The following CTIF variants were observed in gnomAD, a reference collection of about 807,000 sequenced individuals.
CTIF encodes cap binding complex dependent translation initiation factor.
Under a neutral mutation model 66.0 loss-of-function variants are expected in CTIF, and 21 were observed. That is an observed-to-expected ratio of 0.32 (90% CI 0.23 to 0.46). The LOEUF (loss-of-function observed/expected upper bound fraction) is 0.46. Among genes scored for constraint, CTIF ranks in the 20% least tolerant of loss-of-function variants. CTIF has a pLI of 1.00. For missense variants in CTIF, 739 were observed against 812.7 expected (o/e 0.91, Z 1.10); for synonymous variants, 345 against 326.4 (o/e 1.06, Z -0.62).
intron 7 of CTIF, among the ~76,000 whole-genome samples, chr18:48,729,647 C>T (rs1393985552): frequency 6.6e-6 from 1 of 152,178 alleles, no homozygotes; most frequent in East Asian, 1.9e-4. Flanking sequence ...GATTCTTTTC[C>T]ACAGGGTTCT....
intron 7 of CTIF, among the ~76,000 whole-genome samples, chr18:48,756,680 G>A (rs967581547): frequency 2.0e-5 from 3 of 152,198 alleles, no homozygotes; most frequent in African/African-American, 7.2e-5. Context: ...CACCCTGAGG[G>A]TAAAATGGAG....
rs771409440 is a variant in CTIF, at chr18:48,761,114, CA to C, written c.1072-269del. 8.9e-6 allele frequency: 3 copies of C among 338,464 alleles called. No homozygotes were observed. Among genetic ancestry groups the C allele is most frequent in the Non-Finnish European group, 1.6e-5 (3 of 188,728 alleles). The allele number at this position is 338,464 out of a possible 1,614,324, so 21.0% of individuals were successfully genotyped here. A position where few individuals can be genotyped will look rare whatever the true frequency, so the allele number is the denominator to read the frequency against. ...TTAAGATATTTGATGGACAAATAAACAAAAAAAGCCAATGTATATGAGAATC... is the reference window on the plus strand; with the variant it reads ...TTAAGATATTTGATGGACAAATAAACAAAAAAGCCAATGTATATGAGAATC... On this transcript the variant is annotated intron_variant, in intron 8 of 11. Coordinates refer to ENST00000256413, the MANE Select transcript of CTIF (RefSeq NM_014772.3). The surrounding 1 kb of genome is among the most constrained non-coding windows in gnomAD (Gnocchi z 4.2).
At chr18:48,669,581 TA>T (rs1401083273) in intron 5 of CTIF, among the ~76,000 whole-genome samples, 1 of 151,912 alleles carries the variant, frequency 6.6e-6, no homozygotes, top group Non-Finnish European at 1.5e-5. Flanking sequence ...CCTCTTTGCC[TA>T]AACAACAGCA....
At chr18:48,793,427 T>C (rs2067837479) in intron 9 of CTIF, among the ~76,000 whole-genome samples, 1 of 152,216 alleles carries the variant, frequency 6.6e-6, no homozygotes, top group Admixed American at 6.5e-5. Flanking sequence ...TGTGGCTTTA[T>C]ATAACTCAGG....
intron 3 of CTIF, among the ~76,000 whole-genome samples, chr18:48,656,309 C>T (rs1458099930): frequency 6.6e-6 from 1 of 152,226 alleles, no homozygotes; most frequent in Non-Finnish European, 1.5e-5. Flanking sequence ...ACTGTCTGTG[C>T]TCCCATCCTG....
At chr18:48,785,472 T>G (rs1342504025) in intron 9 of CTIF, among the ~76,000 whole-genome samples, 1 of 152,196 alleles carries the variant, frequency 6.6e-6, no homozygotes, top group African/African-American at 2.4e-5. Flanking sequence ...ACCCCTGCAG[T>G]CAGGCATCCT....
At chr18:48,586,148 C>T (rs1000839043) in intron 1 of CTIF, among the ~76,000 whole-genome samples, 21 of 152,172 alleles carry the variant, frequency 1.4e-4, no homozygotes, top group South Asian at 6.2e-4. Flanking sequence ...ATATATTTAA[C>T]GAGTTTTAAA....
In CTIF at chr18:48,859,935, G is replaced by A. The variant is rs1053157254; in HGVS notation, c.*376G>A. The stretch of plus-strand genomic sequence containing the variant: ...GGAGACCTTGGCAGCCTCGCACGCC[G>A]GGGCACCGCTTGGGTCAGAAAGGAC... On this transcript the variant is annotated 3_prime_UTR_variant, in exon 12 of 12. Transcript: ENST00000256413. 2.1e-5 allele frequency: 10 copies of A among 484,640 alleles called. No individual in the cohort carries two copies. Among genetic ancestry groups the A allele is most frequent in the African/African-American group, 1.2e-4 (6 of 51,258 alleles). The allele number at this position is 484,640 out of a possible 1,614,324, so 30.0% of individuals were successfully genotyped here.
At chr18:48,630,092 T>G (rs2090675126) in intron 2 of CTIF, among the ~76,000 whole-genome samples, 1 of 152,240 alleles carries the variant, frequency 6.6e-6, no homozygotes, top group East Asian at 1.9e-4. Context: ...AGCAGTATGA[T>G]GAAATCTCAT....
intron 1 of CTIF, among the ~76,000 whole-genome samples, chr18:48,541,026 C>A (rs923269229): frequency 6.6e-6 from 1 of 152,094 alleles, no homozygotes; most frequent in Non-Finnish European, 1.5e-5. Context: ...GGGGTCCACC[C>A]GGCGGCGCGG....
Position 48,663,831 on chromosome 18 carries a change from C to T in CTIF, c.326+6C>T, listed in dbSNP as rs544337905. On this transcript the variant is annotated splice_donor_region_variant and intron_variant, in intron 4 of 11. Coordinates refer to ENST00000256413, the MANE Select transcript of CTIF (RefSeq NM_014772.3). ...AACACCTTCGATTCCTTCAGGTAAC[C>T]TCCTCCTCCCTCCTTCCCTGTGGTG... The T allele has an allele frequency of 8.7e-6, 14 of 1,613,096 alleles. No individual in the cohort carries two copies. In the South Asian group the frequency reaches 1.1e-4, roughly 13 times the overall value.
At chr18:48,789,569 T>G (rs1468862076) in intron 9 of CTIF, among the ~76,000 whole-genome samples, 2 of 152,204 alleles carry the variant, frequency 1.3e-5, no homozygotes, top group Non-Finnish European at 2.9e-5. Context: ...TACAGTCAAG[T>G]GTAGATCAGT....
At chr18:48,617,867 C>T (rs2090425685) in intron 1 of CTIF, among the ~76,000 whole-genome samples, 1 of 136 alleles carries the variant, frequency 7.4e-3, no homozygotes, top group South Asian at 0.25. Context: ...TTGCTGAGCT[C>T]AGGGGGCCCA....
intron 8 of CTIF, chr18:48,760,699 C>G (rs1908901767): frequency 6.6e-6 from 1 of 152,186 alleles, no homozygotes. Context: ...TGGTCTGGTC[C>G]TAGTTGCAGT....
chr18:48,746,792 C>G (rs1228539030), intron 7 of CTIF, among the ~76,000 whole-genome samples: 1 of 152,038 alleles, frequency 6.6e-6, no homozygotes, highest in Non-Finnish European at 1.5e-5. Context: ...TTAGGGGGAT[C>G]CTCCCATCCC....
intron 1 of CTIF, among the ~76,000 whole-genome samples, chr18:48,582,473 C>T (rs982372485): frequency 4.6e-5 from 7 of 152,074 alleles, no homozygotes; most frequent in South Asian, 4.1e-4. Flanking sequence ...CACATGAGGG[C>T]GTCTTTGTTG....
intron 7 of CTIF, among the ~76,000 whole-genome samples, chr18:48,728,555 C>T (rs1324928299): frequency 1.3e-5 from 2 of 152,138 alleles, no homozygotes; most frequent in Non-Finnish European, 2.9e-5. Context: ...GCCAGGATTG[C>T]GGTCATCTGA....
chr18:48,790,636 C>G (rs911595154), intron 9 of CTIF, among the ~76,000 whole-genome samples: 4 of 152,220 alleles, frequency 2.6e-5, no homozygotes, highest in Admixed American at 2.0e-4. Flanking sequence ...AGGCTTGAGG[C>G]CAGGTCTCTC....
At chr18:48,572,478 T>C (rs1252084316) in intron 1 of CTIF, among the ~76,000 whole-genome samples, 3 of 152,266 alleles carry the variant, frequency 2.0e-5, no homozygotes, top group South Asian at 2.1e-4. Context: ...TTTTTATAAC[T>C]GAGGAAACTC....
Sources: allele counts gnomAD v4.1 joint callset (sites outside exome capture counted in the v4.1 genomes callset), GRCh38; gene constraint gnomAD v4.1.1; non-coding constraint Gnocchi (gnomAD v3.1); transcripts MANE v1.5; gene names NCBI Gene and HGNC (gene_info 2026-07-23, HGNC 2026-07-21).